Variants in ADTRP observed in about 807,000 individuals in gnomAD.
The protein encoded by ADTRP is androgen dependent TFPI regulating protein.
A neutral mutation model predicts 27.0 loss-of-function variants in ADTRP; 20 were observed. The ratio of observed to expected loss-of-function variants is 0.74; its 90% confidence interval spans 0.52 to 1.08. The LOEUF (loss-of-function observed/expected upper bound fraction) is 1.08, where lower values mean the gene tolerates loss of function less well. Ranked by LOEUF, ADTRP falls within the 50% of genes least tolerant of loss-of-function variation. The probability of loss-of-function intolerance (pLI) is 0.00; values close to 1 mark genes in which losing one functional copy is unlikely to be tolerated. For missense variants in ADTRP, 251 were observed against 275.0 expected, an observed-to-expected ratio of 0.91 and a Z score of 0.62; for synonymous variants, 101 against 105.2, an observed-to-expected ratio of 0.96 and a Z score of 0.25.
chr6:11,749,837 CT>C (rs1762984875), intron 3 of ADTRP, among the ~76,000 whole-genome samples: 1 of 152,228 alleles, frequency 6.6e-6, no homozygotes, highest in South Asian at 2.1e-4. Flanking sequence ...AAGAAGCACA[CT>C]TGTGTGCTTG....
At chr6:11,770,408 T>C (rs1763732376) in intron 1 of ADTRP, among the ~76,000 whole-genome samples, 1 of 151,884 alleles carries the variant, frequency 6.6e-6, no homozygotes, top group African/African-American at 2.4e-5. Flanking sequence ...AGATGCAGGC[T>C]GTTGAGCCCT....
intron 3 of ADTRP, 47 bp downstream of exon 3, chr6:11,766,227 C>G: frequency 7.0e-7 from 1 of 1,431,842 alleles, no homozygotes; most frequent in Non-Finnish European, 9.7e-7. Context: ...GTTTTCAGTA[C>G]AGAGGCTATT....
intron 5 of ADTRP, among the ~76,000 whole-genome samples, chr6:11,718,045 A>G (rs1023842726): frequency 3.3e-5 from 5 of 152,272 alleles, no homozygotes; most frequent in African/African-American, 9.6e-5. Context: ...GCTTTCATCA[A>G]GAAAATCTGC....
intron 3 of ADTRP, among the ~76,000 whole-genome samples, chr6:11,747,026 G>A (rs1052593887): frequency 1.7e-4 from 26 of 152,164 alleles, no homozygotes; most frequent in Non-Finnish European, 1.5e-5. Context: ...TAAAATTTGG[G>A]CACCTGCAAC....
intron 3 of ADTRP, 127 bp downstream of exon 3, chr6:11,766,147 A>G: frequency 1.6e-6 from 1 of 643,148 alleles, no homozygotes; most frequent in Non-Finnish European, 2.6e-6. Context: ...TGCCCTTTAA[A>G]TAAACAGTGA....
intron 1 of ADTRP, among the ~76,000 whole-genome samples, chr6:11,776,769 C>T (rs999055338): frequency 1.3e-5 from 2 of 152,156 alleles, no homozygotes; most frequent in Non-Finnish European, 2.9e-5. Context: ...AGACCAGCCT[C>T]CCAGGGAGAG....
At chr6:11,741,304 T>C (rs1762707703) in intron 3 of ADTRP, among the ~76,000 whole-genome samples, 1 of 152,198 alleles carries the variant, frequency 6.6e-6, no homozygotes, top group African/African-American at 2.4e-5. Context: ...GCAAAAACAG[T>C]AAACTATTAA....
chr6:11,723,345 T>C lies in ADTRP; in HGVS notation c.658+4A>G, dbSNP rs1762079454. 6.2e-7 allele frequency: 1 copy of C among 1,614,042 alleles called. No individual in the cohort carries two copies. The highest frequency in any genetic ancestry group is 1.3e-5 in the African/African-American group (1 of 75,028). On this transcript the variant is annotated splice_donor_region_variant and intron_variant, in intron 5 of 5. Coordinates refer to ENST00000414691, the MANE Select transcript of ADTRP (RefSeq NM_032744.4). ...ATCTGTAGCTAAGAAAGAAATACACTGACCCCATTTCCAGTGGTTGAGCTT... is the reference window on the plus strand; with the variant it reads ...ATCTGTAGCTAAGAAAGAAATACACCGACCCCATTTCCAGTGGTTGAGCTT...
At chr6:11,715,647 C>CT in intron 5 of ADTRP, among the ~76,000 whole-genome samples, 2 of 106,484 alleles carry the variant, frequency 1.9e-5, no homozygotes, top group African/African-American at 6.9e-5. Flanking sequence ...TCTGTTTTTC[C>CT]CTTTTTTTTT....
chr6:11,777,013 A>T (rs1235034309), intron 1 of ADTRP, among the ~76,000 whole-genome samples: 1 of 152,254 alleles, frequency 6.6e-6, no homozygotes, highest in East Asian at 1.9e-4. Context: ...TCATCCAGGT[A>T]GGCTTAATAT....
At chr6:11,737,015 A>T (rs2113906361) in intron 3 of ADTRP, among the ~76,000 whole-genome samples, 1 of 152,132 alleles carries the variant, frequency 6.6e-6, no homozygotes, top group South Asian at 2.1e-4. Context: ...TTTTAAAATG[A>T]CATAATCAAG....
chr6:11,746,577 A>T (rs1762873057), intron 3 of ADTRP, among the ~76,000 whole-genome samples: 1 of 152,210 alleles, frequency 6.6e-6, no homozygotes, highest in African/African-American at 2.4e-5. Flanking sequence ...ATCCTGGTTG[A>T]GAATCCTTGA....
At chr6:11,720,090 C>T (rs1399261358) in intron 5 of ADTRP, among the ~76,000 whole-genome samples, 3 of 152,192 alleles carry the variant, frequency 2.0e-5, no homozygotes, top group South Asian at 4.1e-4. Flanking sequence ...AGTTTGGCAC[C>T]AGAACTTTTC....
At position 11,768,037 on chromosome 6, in the gene ADTRP, G is replaced by T. The variant is rs76859488; in HGVS notation, c.288+212C>A. 3.3e-4 allele frequency among the ~76,000 whole-genome samples: 51 copies of T among 152,304 alleles called. 1 individual carries two copies. In the East Asian group the frequency reaches 9.8e-3, roughly 29 times the overall value. On this transcript the variant is annotated intron_variant, in intron 2 of 5. Coordinates refer to ENST00000414691, the MANE Select transcript of ADTRP (RefSeq NM_032744.4). The stretch of plus-strand genomic sequence containing the variant: ...AAGGACCTTGTACCAAGCCTTTGCA[G>T]AGGTACAAAAGCTAGTGATAAAGCT...
intron 5 of ADTRP, among the ~76,000 whole-genome samples, chr6:11,716,880 CTTTT>C: frequency 7.9e-6 from 1 of 126,896 alleles, no homozygotes; most frequent in South Asian, 2.5e-4. Context: ...CCACACGTAG[CTTTT>C]TTTTTTTTTT....
intron 4 of ADTRP, among the ~76,000 whole-genome samples, chr6:11,734,359 A>G (rs1249316961): frequency 1.3e-5 from 2 of 152,256 alleles, no homozygotes; most frequent in African/African-American, 4.8e-5. Flanking sequence ...TTTTCAACAG[A>G]GTGCTCCAGA....
intron 3 of ADTRP, among the ~76,000 whole-genome samples, chr6:11,749,057 G>C (rs1480515195): frequency 6.6e-6 from 1 of 152,256 alleles, no homozygotes; most frequent in African/African-American, 2.4e-5. Context: ...GACCAGTTTG[G>C]AGATGTTGTA....
chr6:11,730,153 C>T lies in ADTRP; in HGVS notation c.506+5415G>A, dbSNP rs573697937. ...CCTCTCCTAGTCCTCCACCTCCATC[C>T]CTCTTCAGTTTGGATCCTGGCTGGG... is the stretch of plus-strand genomic sequence containing the variant. On this transcript the variant is annotated intron_variant, in intron 4 of 5. Transcript: ENST00000414691. Among the ~76,000 whole-genome samples the T allele has an allele frequency of 2.6e-3, 396 of 152,240 alleles. 1 individual carries two copies. Among genetic ancestry groups the T allele is most frequent in the Non-Finnish European group, 3.7e-3 (255 of 68,028 alleles).
At chr6:11,717,547 T>C in intron 5 of ADTRP, 1 of 1,055,406 alleles carries the variant, frequency 9.5e-7, no homozygotes, top group Non-Finnish European at 1.2e-6. Context: ...GATTTACACC[T>C]ATGTATCTAC....
Sources: allele counts gnomAD v4.1 joint callset (sites outside exome capture counted in the v4.1 genomes callset), GRCh38; gene constraint gnomAD v4.1.1; transcripts MANE v1.5; gene names NCBI Gene and HGNC (gene_info 2026-07-23, HGNC 2026-07-21).